Variants in FRMD6 observed in about 807,000 individuals in gnomAD.
FRMD6 encodes FERM domain-containing protein 6.
In FRMD6, 37 loss-of-function variants were observed where a neutral mutation model predicts 73.2. The observed-to-expected ratio is 0.51, with a 90% CI of 0.39 to 0.66. The LOEUF (loss-of-function observed/expected upper bound fraction) is 0.66, where lower values mean the gene tolerates loss of function less well. Among genes scored for constraint, FRMD6 ranks in the 30% least tolerant of loss-of-function variants. The probability of loss-of-function intolerance (pLI) is 0.00; values close to 1 mark genes in which losing one functional copy is unlikely to be tolerated. For missense variants in FRMD6, 714 were observed against 780.5 expected, an observed-to-expected ratio of 0.91 and a Z score of 1.02; for synonymous variants, 273 against 282.2, an observed-to-expected ratio of 0.97 and a Z score of 0.33.
At chr14:51,711,966 T>C (rs538044260) in intron 8 of FRMD6, among the ~76,000 whole-genome samples, 2 of 152,340 alleles carry the variant, frequency 1.3e-5, no homozygotes, top group African/African-American at 4.8e-5. Flanking sequence ...AAAAACAACA[T>C]TTTAATATTG....
chr14:51,604,879 T>C (rs149557263), intron 2 of FRMD6, among the ~76,000 whole-genome samples: 26 of 152,306 alleles, frequency 1.7e-4, no homozygotes, highest in Non-Finnish European at 3.5e-4. Context: ...AATTTTAGTA[T>C]ATGTGCTACC....
chr14:51,644,222 C>A (rs1487456362), intron 2 of FRMD6, among the ~76,000 whole-genome samples: 2 of 152,244 alleles, frequency 1.3e-5, no homozygotes, highest in African/African-American at 4.8e-5. Flanking sequence ...CCATTCAAAT[C>A]AACCAAGGCT....
At chr14:51,511,835 C>T (rs1214230947) in intron 1 of FRMD6, among the ~76,000 whole-genome samples, 1 of 151,672 alleles carries the variant, frequency 6.6e-6, no homozygotes, top group Non-Finnish European at 1.5e-5. Context: ...TGTAACAAAC[C>T]TGCATGTCCT....
intron 1 of FRMD6, among the ~76,000 whole-genome samples, chr14:51,545,053 A>G (rs1392117333): frequency 6.6e-6 from 1 of 152,124 alleles, no homozygotes; most frequent in African/African-American, 2.4e-5. Flanking sequence ...TGGGGCTGAA[A>G]CATTCCAAGA....
chr14:51,614,849 G>C (rs6572781), intron 2 of FRMD6, among the ~76,000 whole-genome samples: 80,335 of 152,004 alleles, frequency 0.53, 21,594 homozygotes, highest in Middle Eastern at 0.62. Flanking sequence ...TACTTCCAAT[G>C]CCTCTAAATC....
the FRMD6 span, among the ~76,000 whole-genome samples, chr14:51,398,560 A>AT: frequency 3.8e-3 from 569 of 149,498 alleles, 3 homozygotes; most frequent in African/African-American, 0.01. Flanking sequence ...AGCAAATTGC[A>AT]TTTTTTTTTT....
chr14:51,527,922 CT>C (rs1189590337), intron 1 of FRMD6, among the ~76,000 whole-genome samples: 2 of 152,144 alleles, frequency 1.3e-5, no homozygotes, highest in Admixed American at 1.3e-4. Context: ...GGGAGGATCA[CT>C]TAAGCCCAGG....
chr14:51,471,117 A>C, the FRMD6 span, among the ~76,000 whole-genome samples: 1 of 152,186 alleles, frequency 6.6e-6, no homozygotes, highest in Non-Finnish European at 1.5e-5. Flanking sequence ...TGTGGAATCT[A>C]TCTGTCCCCT....
chr14:51,541,828 G>A (rs1434737038), intron 1 of FRMD6, among the ~76,000 whole-genome samples: 1 of 152,042 alleles, frequency 6.6e-6, no homozygotes, highest in Non-Finnish European at 1.5e-5. Context: ...ATGTAACTAG[G>A]CCCTGGAGTT....
Position 51,721,744 on chromosome 14 carries a change from A to AGGGAAGG in FRMD6, c.1361-205_1361-204insGGGAAGG, listed in dbSNP as rs1566598418. On this transcript the variant is annotated intron_variant, in intron 11 of 13. Transcript: ENST00000344768. ...GGAGGGAGGAAGGGAGGGAGGAAGGAAGGGAGGAAGGAAGGAGGGAAGGAG... is the reference window on the plus strand; with the variant it reads ...GGAGGGAGGAAGGGAGGGAGGAAGGAGGGAAGGAGGGAGGAAGGAAGGAGGGAAGGAG... Among the ~76,000 whole-genome samples the AGGGAAGG allele has an allele frequency of 2.7e-3, 243 of 88,610 alleles. 2 individuals carry two copies. Among genetic ancestry groups the AGGGAAGG allele is most frequent in the South Asian group, 0.012 (25 of 2,098 alleles). The allele number at this position is 88,610 out of a possible 152,430, so 58.1% of individuals were successfully genotyped here.
intron 1 of FRMD6, among the ~76,000 whole-genome samples, chr14:51,561,159 T>C (rs111577608): frequency 1.3e-5 from 2 of 152,168 alleles, no homozygotes; most frequent in African/African-American, 2.4e-5. Flanking sequence ...AGTCTTTCTG[T>C]AGGAGGCAGT....
chr14:51,444,797 C>T, the FRMD6 span, among the ~76,000 whole-genome samples: 1 of 152,232 alleles, frequency 6.6e-6, no homozygotes, highest in East Asian at 1.9e-4. Flanking sequence ...GGGGCGGAGG[C>T]ATCTGTGTGC....
At chr14:51,726,511 C>T (rs568279726) in intron 13 of FRMD6, among the ~76,000 whole-genome samples, 119 of 152,100 alleles carry the variant, frequency 7.8e-4, no homozygotes, top group Non-Finnish European at 1.4e-3. Context: ...TTCTGGCTCT[C>T]CTTGTCCCTA....
chr14:51,677,752 C>T (rs975377674), intron 1 of FRMD6, among the ~76,000 whole-genome samples: 6 of 152,080 alleles, frequency 3.9e-5, no homozygotes, highest in Non-Finnish European at 8.8e-5. Context: ...GTTAACACAC[C>T]GCCAGATCTA....
intron 2 of FRMD6, among the ~76,000 whole-genome samples, chr14:51,626,863 G>A (rs946941905): frequency 2.0e-5 from 3 of 152,140 alleles, no homozygotes; most frequent in Non-Finnish European, 4.4e-5. Context: ...AACATCACAA[G>A]TACTCAATAA....
Position 51,711,539 on chromosome 14 carries a change from G to A in FRMD6, c.723G>A (p.Arg241=), listed in dbSNP as rs1896943505. 1 of 1,600,974 alleles carries A rather than the reference G, an allele frequency of 6.2e-7. No individual in the cohort carries two copies. Among genetic ancestry groups the A allele is most frequent in the Non-Finnish European group, 8.5e-7 (1 of 1,169,890 alleles). Residue 241 remains arginine (R), a synonymous_variant, in exon 8 of 14, where the codon AGG becomes AGA. Coordinates refer to ENST00000344768, the MANE Select transcript of FRMD6 (RefSeq NM_001267046.2). The part of the protein sequence containing the change: ...VHYYRLYKDK[R]EIEASLTLGL... The stretch of plus-strand genomic sequence containing the variant: ...AAATCCTATTCCTACAGGATAAAAG[G>A]GAAATTGAAGCATCGCTGACTCTTG...
intron 1 of FRMD6, among the ~76,000 whole-genome samples, chr14:51,495,061 C>A (rs1883217082): frequency 6.6e-6 from 1 of 152,194 alleles, no homozygotes; most frequent in African/African-American, 2.4e-5. Flanking sequence ...AGAAGCCAAA[C>A]CATACCTTCA....
At chr14:51,497,829 A>G (rs896939790) in intron 1 of FRMD6, among the ~76,000 whole-genome samples, 4 of 152,156 alleles carry the variant, frequency 2.6e-5, no homozygotes, top group African/African-American at 4.8e-5. Flanking sequence ...GCCCAGCTCT[A>G]TATTACCCAG....
intron 1 of FRMD6, among the ~76,000 whole-genome samples, chr14:51,664,934 T>C (rs920860826): frequency 6.6e-6 from 1 of 152,288 alleles, no homozygotes; most frequent in African/African-American, 2.4e-5. Flanking sequence ...GGATTTTACA[T>C]TGTAGATACT....
Sources: allele counts gnomAD v4.1 joint callset (sites outside exome capture counted in the v4.1 genomes callset), GRCh38; gene constraint gnomAD v4.1.1; transcripts MANE v1.5; gene names NCBI Gene and HGNC (gene_info 2026-07-23, HGNC 2026-07-21).